GRID1: variants seen among roughly 807,000 people sequenced by gnomAD.
GRID1 encodes glutamate ionotropic receptor delta type subunit 1, also known as glutamate receptor ionotropic, delta-1.
A neutral mutation model predicts 98.0 loss-of-function variants in GRID1; 28 were observed. That is an observed-to-expected ratio of 0.29 (90% CI 0.21 to 0.39). The LOEUF (loss-of-function observed/expected upper bound fraction) is 0.39, where lower values mean the gene tolerates loss of function less well. Among genes scored for constraint, GRID1 ranks in the 10% least tolerant of loss-of-function variants. The pLI, the probability that GRID1 is intolerant of heterozygous loss-of-function variation, is 1.00. For synonymous variants in GRID1, 553 were observed against 538.5 expected (o/e 1.03, Z -0.37); for missense variants, 1,111 against 1,340.5 (o/e 0.83, Z 2.67).
In GRID1 at chr10:86,359,286, G is replaced by A. The variant is rs560217012; in HGVS notation, c.235+4655C>T. Among the ~76,000 whole-genome samples the A allele has an allele frequency of 2.0e-5, 3 of 152,268 alleles. No homozygotes were observed. The South Asian group carries it at 6.2e-4, about 32-fold the overall frequency. ...AGGACTGCAAGAGCGTGGCCTCGAT[G>A]GGACCTACAATTCTCTATAATTCTG... On this transcript the variant is annotated intron_variant, in intron 2 of 15. Coordinates refer to ENST00000327946, the MANE Select transcript of GRID1 (RefSeq NM_017551.3).
chr10:85,634,598 C>T (rs778974284), intron 13 of GRID1, among the ~76,000 whole-genome samples: 14 of 152,010 alleles, frequency 9.2e-5, no homozygotes, highest in Non-Finnish European at 1.9e-4. Context: ...AATGGAAACA[C>T]GCCACAAAAG....
intron 4 of GRID1, among the ~76,000 whole-genome samples, chr10:86,020,491 C>A (rs568508826): frequency 1.3e-5 from 2 of 152,360 alleles, no homozygotes; most frequent in East Asian, 3.9e-4. Context: ...TCAGGCTGAA[C>A]TGAGTTCCAA....
chr10:86,086,057 C>A (rs1231382955), intron 4 of GRID1, among the ~76,000 whole-genome samples: 2 of 152,104 alleles, frequency 1.3e-5, no homozygotes, highest in Non-Finnish European at 2.9e-5. Flanking sequence ...AGTGCTGTTC[C>A]CCATGTCCCC....
At chr10:85,637,016 T>A (rs182386339) in intron 13 of GRID1, among the ~76,000 whole-genome samples, 7 of 152,320 alleles carry the variant, frequency 4.6e-5, no homozygotes, top group African/African-American at 1.7e-4. Flanking sequence ...AATGTTTAAA[T>A]AAAATTTTTA....
intron 4 of GRID1, among the ~76,000 whole-genome samples, chr10:86,120,061 A>G (rs564483922): frequency 1.6e-4 from 25 of 152,262 alleles, no homozygotes; most frequent in Admixed American, 1.4e-3. Context: ...GGCCTCCCAA[A>G]GTGCTGAGAT....
At chr10:86,040,531 G>T (rs1375977925) in intron 4 of GRID1, among the ~76,000 whole-genome samples, 1 of 98,144 alleles carries the variant, frequency 1.0e-5, no homozygotes, top group African/African-American at 4.3e-5. Context: ...AAAAAAAAAA[G>T]CCCATCTCAT....
chr10:85,836,849 C>T lies in GRID1; in HGVS notation c.1233+17647G>A, dbSNP rs559163414. ...ATCACCATGCCTGCTTATAAGGCAG[C>T]GTCAGGTGCCCTGGTGGCACACACC... On this transcript the variant is annotated intron_variant, in intron 8 of 15. Transcript: ENST00000327946. Among the ~76,000 whole-genome samples the T allele has an allele frequency of 2.3e-3, 328 of 142,500 alleles. 3 individuals carry two copies. Among genetic ancestry groups the T allele is most frequent in the African/African-American group, 7.6e-3 (312 of 40,934 alleles). The allele number at this position is 142,500 out of a possible 152,430, so 93.5% of individuals were successfully genotyped here.
intron 4 of GRID1, among the ~76,000 whole-genome samples, chr10:85,922,654 C>A (rs1841721232): frequency 6.6e-6 from 1 of 152,210 alleles, no homozygotes; most frequent in African/African-American, 2.4e-5. Context: ...CATTTAGGAA[C>A]AATGCTCTCT....
intron 2 of GRID1, among the ~76,000 whole-genome samples, chr10:86,327,174 C>T (rs1241692308): frequency 2.6e-5 from 4 of 152,166 alleles, no homozygotes; most frequent in African/African-American, 7.2e-5. Flanking sequence ...CAAAGTAAGT[C>T]ATCCTGCGAA....
chr10:85,915,458 C>T (rs1018841195), intron 5 of GRID1, among the ~76,000 whole-genome samples: 7 of 151,996 alleles, frequency 4.6e-5, no homozygotes, highest in Admixed American at 4.6e-4. Context: ...CACATACACA[C>T]TTGTACATGC....
intron 5 of GRID1, among the ~76,000 whole-genome samples, chr10:85,909,824 C>T (rs1352368898): frequency 6.6e-6 from 1 of 152,144 alleles, no homozygotes; most frequent in South Asian, 2.1e-4. Flanking sequence ...ACGTTCACTA[C>T]CTCTATTGTG....
At chr10:85,608,034 G>T (rs1163668613) in intron 15 of GRID1, among the ~76,000 whole-genome samples, 24 of 151,898 alleles carry the variant, frequency 1.6e-4, no homozygotes, top group Admixed American at 6.5e-5. Context: ...GCCCAAGCTG[G>T]TCTCCAACTC....
intron 9 of GRID1, 101 bp from the exon 10 acceptor site, chr10:85,728,153 A>G (rs113958633): frequency 1.1e-6 from 1 of 913,268 alleles, no homozygotes; most frequent in Non-Finnish European, 1.8e-6. Flanking sequence ...GAACATTTGC[A>G]GTTCCCCAAT....
Position 85,854,605 on chromosome 10 carries a change from G to A in GRID1, c.1124C>T (p.Thr375Ile). The change falls in exon 8 of 16, where the codon ACT becomes ATT. Residue 375 changes from threonine (T) to isoleucine (I), a missense_variant. Coordinates refer to ENST00000327946, the MANE Select transcript of GRID1 (RefSeq NM_017551.3). ...MLDTIKKGHITGLTGVMEFRE... is the reference protein window; with the variant it reads ...MLDTIKKGHIIGLTGVMEFRE... ...AAACTCCATCACCCCAGTGAGGCCA[G>A]TGATGTGGCCCTGCAGAAGAGGAGA... 6.2e-7 allele frequency: 1 copy of A among 1,614,082 alleles called. No individual in the cohort carries two copies. The highest frequency in any genetic ancestry group is 8.5e-7 in the Non-Finnish European group (1 of 1,179,906).
At chr10:85,927,856 G>C (rs1007164910) in intron 4 of GRID1, among the ~76,000 whole-genome samples, 4 of 152,184 alleles carry the variant, frequency 2.6e-5, no homozygotes, top group African/African-American at 9.7e-5. Flanking sequence ...AATTTCACAA[G>C]CGAGAGCATT....
At chr10:86,139,752 T>C (rs1040467502) in intron 3 of GRID1, among the ~76,000 whole-genome samples, 15 of 152,266 alleles carry the variant, frequency 9.9e-5, no homozygotes, top group Non-Finnish European at 2.1e-4. Flanking sequence ...TCCTGGCACG[T>C]TGGTGATCAC....
chr10:86,014,780 T>G (rs190362969), intron 4 of GRID1, among the ~76,000 whole-genome samples: 23 of 152,312 alleles, frequency 1.5e-4, no homozygotes. Context: ...TCTGACTTCA[T>G]CTCCTACTAC....
intron 4 of GRID1, among the ~76,000 whole-genome samples, chr10:86,090,140 C>T (rs1010465571): frequency 6.6e-6 from 1 of 151,888 alleles, no homozygotes; most frequent in South Asian, 2.1e-4. Context: ...AAGATATGGC[C>T]GTGCCTGGTG....
At chr10:85,853,755 C>T (rs1240112112) in intron 8 of GRID1, among the ~76,000 whole-genome samples, 1 of 152,204 alleles carries the variant, frequency 6.6e-6, no homozygotes, top group African/African-American at 2.4e-5. Flanking sequence ...CCTTACTTGC[C>T]ATGTCGGCCT....
Sources: gnomAD v4.1 joint callset for allele counts (sites outside exome capture counted in the v4.1 genomes callset) on GRCh38, gnomAD v4.1.1 for gene constraint, MANE v1.5 for transcripts, NCBI Gene and HGNC (gene_info 2026-07-23, HGNC 2026-07-21) for gene names.